ATPAF1: variants seen among roughly 807,000 people sequenced by gnomAD.
ATPAF1 encodes the protein homolog of yeast ATP11.
Under a neutral mutation model 43.9 loss-of-function variants are expected in ATPAF1, and 26 were observed. That is an observed-to-expected ratio of 0.59 (90% CI 0.43 to 0.82). The LOEUF (loss-of-function observed/expected upper bound fraction) is 0.82. Among genes scored for constraint, ATPAF1 ranks in the 40% least tolerant of loss-of-function variants. The pLI is 0.00. For synonymous variants in ATPAF1, 157 were observed against 168.0 expected (o/e 0.93, Z 0.50); for missense variants, 366 against 435.0 (o/e 0.84, Z 1.41).
At chr1:46,651,246 G>A (rs939842481) in intron 6 of ATPAF1, among the ~76,000 whole-genome samples, 14 of 151,780 alleles carry the variant, frequency 9.2e-5, no homozygotes, top group African/African-American at 3.1e-4. Flanking sequence ...GAGAACATGC[G>A]GTGTTTGGTT....
exon 8 of ATPAF1, chr1:46,643,238 T>C: frequency 6.2e-7 from 1 of 1,614,012 alleles, no homozygotes; most frequent in Non-Finnish European, 8.5e-7. Flanking sequence ...ACTATGCCCT[T>C]TTCTTCCTTA....
intron 8 of ATPAF1, among the ~76,000 whole-genome samples, chr1:46,642,658 A>T (rs1156943742): frequency 6.6e-6 from 1 of 152,268 alleles, no homozygotes; most frequent in African/African-American, 2.4e-5. Context: ...AGGCTTCAAT[A>T]CAACTCTTCC....
intron 2 of ATPAF1, among the ~76,000 whole-genome samples, chr1:46,663,234 A>C (rs907768942): frequency 6.4e-4 from 97 of 152,334 alleles, no homozygotes; most frequent in Non-Finnish European, 1.2e-3. Context: ...ATAGTGCCGC[A>C]ATAAACATAC....
At chr1:46,660,229 G>A (rs1029449659) in intron 2 of ATPAF1, among the ~76,000 whole-genome samples, 2 of 151,882 alleles carry the variant, frequency 1.3e-5, no homozygotes, top group African/African-American at 2.4e-5. Context: ...TGCCCGCTTC[G>A]GCCTCCCAAA....
In ATPAF1 at chr1:46,667,326, C is replaced by A. The variant is rs115268666; in HGVS notation, c.266+731G>T. ...ACCTTCTTACCCTGCTAAATTCTCT[C>A]CCAAGCCCCTTTAATTTTCACCTCT... On this transcript the variant is annotated intron_variant, in intron 1 of 8. Coordinates refer to ENST00000574428, the Ensembl canonical transcript of ATPAF1. Among the ~76,000 whole-genome samples, 864 of 152,296 alleles carry A rather than the reference C, an allele frequency of 5.7e-3. 4 individuals carry two copies. The highest frequency in any genetic ancestry group is 8.5e-3 in the Non-Finnish European group (576 of 68,020).
intron 1 of ATPAF1, among the ~76,000 whole-genome samples, chr1:46,667,313 T>C (rs774500662): frequency 6.6e-6 from 1 of 152,216 alleles, no homozygotes; most frequent in Non-Finnish European, 1.5e-5. Flanking sequence ...CTTCTTACCC[T>C]GCTAAATTCT....
upstream of ATPAF1, chr1:46,668,466 G>A: frequency 9.3e-7 from 1 of 1,074,610 alleles, no homozygotes; most frequent in Non-Finnish European, 1.1e-6. This position sits in a 1 kb window ranked among gnomAD's most constrained non-coding sequence, Gnocchi z 4.4. Context: ...GCGGGATAGC[G>A]GCGAGGCGGG....
chr1:46,654,189 C>T (rs1676220888), intron 4 of ATPAF1, among the ~76,000 whole-genome samples: 2 of 152,016 alleles, frequency 1.3e-5, no homozygotes, highest in Non-Finnish European at 2.9e-5. Flanking sequence ...CCTCCCCAAA[C>T]CCACACCTCC....
At chr1:46,638,724 G>A (rs562173367) in intron 8 of ATPAF1, among the ~76,000 whole-genome samples, 4 of 152,060 alleles carry the variant, frequency 2.6e-5, no homozygotes, top group Non-Finnish European at 5.9e-5. Context: ...GTTATAGAAA[G>A]GCAACCCCCA....
intron 4 of ATPAF1, among the ~76,000 whole-genome samples, chr1:46,656,160 G>A (rs1337221742): frequency 6.6e-6 from 1 of 152,212 alleles, no homozygotes; most frequent in Admixed American, 6.5e-5. Flanking sequence ...AGGAGTTAGA[G>A]TAGGGAAATA....
At chr1:46,657,906 G>A (rs1676304642) in intron 4 of ATPAF1, among the ~76,000 whole-genome samples, 1 of 152,182 alleles carries the variant, frequency 6.6e-6, no homozygotes, top group Non-Finnish European at 1.5e-5. Flanking sequence ...TGTGGATTAT[G>A]GGAATGAAAA....
At chr1:46,652,709 G>T in intron 5 of ATPAF1, 81 bp from the exon 6 acceptor site, 1 of 1,150,128 alleles carries the variant, frequency 8.7e-7, no homozygotes, top group Non-Finnish European at 1.3e-6. Flanking sequence ...CACCAAGACT[G>T]AATTCTAGAA....
Position 46,658,230 on chromosome 1 carries a change from A to T in ATPAF1, c.427-41T>A, listed in dbSNP as rs749780709. The T allele has an allele frequency of 1.9e-5, 26 of 1,397,310 alleles. No homozygotes were observed. In the East Asian group the frequency reaches 7.5e-4, roughly 41 times the overall value. 86.6% of individuals were successfully genotyped at this position (1,397,310 alleles called of 1,614,324 possible). A position where few individuals can be genotyped will look rare whatever the true frequency, so the allele number is the denominator to read the frequency against. On this transcript the variant is annotated intron_variant, in intron 3 of 8. Transcript: ENST00000574428. The stretch of plus-strand genomic sequence containing the variant: ...AAAAAGCAATTAACACATAATTAAA[A>T]AAAAAAAAAAACAGCTTAACTCTAT...
chr1:46,652,474 C>T, intron 6 of ATPAF1, 107 bp downstream of exon 6: 2 of 1,105,566 alleles, frequency 1.8e-6, no homozygotes, highest in South Asian at 1.5e-5. Context: ...ATTAAGTAAA[C>T]AGAGCACTAT....
chr1:46,667,301 AC>A (rs1676507517), intron 1 of ATPAF1, among the ~76,000 whole-genome samples: 1 of 152,162 alleles, frequency 6.6e-6, no homozygotes, highest in Non-Finnish European at 1.5e-5. Flanking sequence ...TAAGACAACT[AC>A]CTTCTTACCC....
chr1:46,657,983 T>C lies in ATPAF1; in HGVS notation c.489+144A>G. 5 of 786,820 alleles carry C rather than the reference T, an allele frequency of 6.4e-6. No homozygotes were observed. The South Asian group carries it at 8.0e-5, about 13-fold the overall frequency. 48.7% of individuals were successfully genotyped at this position (786,820 alleles called of 1,614,324 possible). ...AAAGAAGACAAGTTTTCTTATGACA[T>C]TGTTCTTCAAGTAATTCATCACTTT... On this transcript the variant is annotated intron_variant, in intron 4 of 8. Coordinates refer to ENST00000574428, the Ensembl canonical transcript of ATPAF1.
intron 2 of ATPAF1, among the ~76,000 whole-genome samples, chr1:46,661,112 G>A (rs530046120): frequency 1.0e-4 from 15 of 149,770 alleles, no homozygotes; most frequent in African/African-American, 2.2e-4. Context: ...TCACTCTGTC[G>A]CCCACGCTGG....
chr1:46,658,807 A>G (rs611468), intron 2 of ATPAF1, 70 bp from the exon 3 acceptor site: 343,914 of 1,070,716 alleles, frequency 0.32, 63,862 homozygotes, highest in East Asian at 0.78. Context: ...AGCTAGGTGA[A>G]GTACCCAATC....
intron 7 of ATPAF1, among the ~76,000 whole-genome samples, chr1:46,643,751 A>C (rs1367959728): frequency 6.6e-6 from 1 of 152,204 alleles, no homozygotes; most frequent in Non-Finnish European, 1.5e-5. Flanking sequence ...CAGAGTTTGC[A>C]CATGAGCCAG....
Sources: allele counts gnomAD v4.1 joint callset (sites outside exome capture counted in the v4.1 genomes callset), GRCh38; gene constraint gnomAD v4.1.1; non-coding constraint Gnocchi (gnomAD v3.1); transcripts MANE v1.5; gene names NCBI Gene and HGNC (gene_info 2026-07-23, HGNC 2026-07-21).